PDE10A: variants seen among roughly 807,000 people sequenced by gnomAD.
The protein encoded by PDE10A is cAMP and cAMP-inhibited cGMP 3',5'-cyclic phosphodiesterase 10A.
In PDE10A, 39 loss-of-function variants were observed where a neutral mutation model predicts 97.7. The observed-to-expected ratio is 0.40, with a 90% CI of 0.31 to 0.52. The LOEUF (loss-of-function observed/expected upper bound fraction) is 0.52. PDE10A is among the 20% of genes least tolerant of loss of function. The pLI, the probability that PDE10A is intolerant of heterozygous loss-of-function variation, is 0.56. For synonymous variants in PDE10A, 371 were observed against 376.8 expected, an observed-to-expected ratio of 0.98 and a Z score of 0.18; for missense variants, 731 against 1,047.8, an observed-to-expected ratio of 0.70 and a Z score of 4.17.
chr6:165,786,894 C>G (rs1300021462), intron 1 of PDE10A, among the ~76,000 whole-genome samples: 2 of 152,066 alleles, frequency 1.3e-5, no homozygotes. Flanking sequence ...TTGCTAATTT[C>G]AAATCTTCAC....
chr6:165,450,547 T>G (rs1345752965), intron 3 of PDE10A, among the ~76,000 whole-genome samples, 185 bp from the exon 4 acceptor site: 4 of 152,080 alleles, frequency 2.6e-5, no homozygotes, highest in Admixed American at 2.6e-4. Context: ...AAAATTAAAA[T>G]TGCTATGACT....
At chr6:165,893,653 A>G (rs774989430) in intron 1 of PDE10A, among the ~76,000 whole-genome samples, 2 of 152,132 alleles carry the variant, frequency 1.3e-5, no homozygotes, top group Non-Finnish European at 2.9e-5. Context: ...ACCCCATCCC[A>G]CATTCCTAAT....
chr6:165,583,836 C>T (rs1785753505), intron 1 of PDE10A, among the ~76,000 whole-genome samples: 1 of 152,140 alleles, frequency 6.6e-6, no homozygotes, highest in Admixed American at 6.5e-5. Flanking sequence ...ATAGGAATGG[C>T]ACCCCTTAAT....
At chr6:165,346,081 T>C (rs1007423878) in intron 18 of PDE10A, among the ~76,000 whole-genome samples, 4 of 152,166 alleles carry the variant, frequency 2.6e-5, no homozygotes, top group African/African-American at 9.7e-5. Context: ...GGAGACAAGA[T>C]AGGAGTTTAA....
At chr6:165,587,172 A>G (rs1044960691) in intron 1 of PDE10A, among the ~76,000 whole-genome samples, 1 of 152,194 alleles carries the variant, frequency 6.6e-6, no homozygotes, top group African/African-American at 2.4e-5. Flanking sequence ...TCATCGTATC[A>G]CCTGCATGTG....
chr6:165,600,528 G>A (rs535280928), intron 1 of PDE10A, among the ~76,000 whole-genome samples: 6 of 152,322 alleles, frequency 3.9e-5, no homozygotes, highest in African/African-American at 1.4e-4. Context: ...TTCACGTCCA[G>A]GGTAGCATAT....
At chr6:165,561,114 G>A (rs1784501908) in intron 1 of PDE10A, among the ~76,000 whole-genome samples, 1 of 151,912 alleles carries the variant, frequency 6.6e-6, no homozygotes, top group African/African-American at 2.4e-5. Context: ...AGCTACTCGG[G>A]AGGCTGAGGC....
chr6:165,697,680 A>G (rs1791472659), intron 1 of PDE10A, among the ~76,000 whole-genome samples: 1 of 152,140 alleles, frequency 6.6e-6, no homozygotes, highest in Admixed American at 6.5e-5. Context: ...TCAAGATAGA[A>G]AGTAGAATGG....
chr6:165,558,863 A>G (rs2128336075), intron 1 of PDE10A, among the ~76,000 whole-genome samples: 1 of 152,340 alleles, frequency 6.6e-6, no homozygotes. Flanking sequence ...ATGACGAGTT[A>G]ATGAGTGCAG....
intron 1 of PDE10A, among the ~76,000 whole-genome samples, chr6:165,905,373 A>C (rs1468896397): frequency 6.6e-6 from 1 of 152,178 alleles, no homozygotes; most frequent in Non-Finnish European, 1.5e-5. Context: ...GTTTACATAC[A>C]TGCAATTAAA....
chr6:165,828,381 T>C (rs1045220657), intron 1 of PDE10A, among the ~76,000 whole-genome samples: 1 of 152,172 alleles, frequency 6.6e-6, no homozygotes, highest in Non-Finnish European at 1.5e-5. Flanking sequence ...GAAAAATTAG[T>C]TGTATTAGCT....
In PDE10A at chr6:165,901,517, G is replaced by A. The variant is rs368022069; in HGVS notation, c.-615+86012C>T. On this transcript the variant is annotated intron_variant, in intron 1 of 19. Coordinates refer to the PDE10A transcript ENST00000366882. ...CTCAGCCCTTATTACAAAATGCCCC[G>A]CATGGCCAGGCACGGTGGTTCATGC... Among the ~76,000 whole-genome samples the A allele has an allele frequency of 9.2e-5, 14 of 152,184 alleles. No individual in the cohort carries two copies. In the East Asian group the frequency reaches 1.4e-3, roughly 15 times the overall value.
At chr6:165,894,472 G>T in intron 1 of PDE10A, 1 of 456,074 alleles carries the variant, frequency 2.2e-6, no homozygotes, top group South Asian at 1.5e-5. Context: ...AAGTGGTGGA[G>T]AGGGAAAACC....
chr6:165,552,126 T>C (rs895201215), intron 1 of PDE10A, among the ~76,000 whole-genome samples: 2 of 152,150 alleles, frequency 1.3e-5, no homozygotes, highest in Non-Finnish European at 2.9e-5. Flanking sequence ...ATACTCTCAT[T>C]GTACCCTCCT....
chr6:165,851,722 A>G (rs1780578053), intron 1 of PDE10A, among the ~76,000 whole-genome samples: 1 of 152,180 alleles, frequency 6.6e-6, no homozygotes, highest in Non-Finnish European at 1.5e-5. Flanking sequence ...CATATTGAAA[A>G]AGCAAGTGAA....
At chr6:165,385,643 A>G (rs1379951768) in intron 17 of PDE10A, among the ~76,000 whole-genome samples, 3 of 152,184 alleles carry the variant, frequency 2.0e-5, no homozygotes, top group Non-Finnish European at 4.4e-5. Flanking sequence ...GATTTCAGGG[A>G]CCAGTTAGAT....
chr6:165,472,873 G>A (rs1583354219), intron 3 of PDE10A, among the ~76,000 whole-genome samples: 2 of 152,096 alleles, frequency 1.3e-5, no homozygotes, highest in East Asian at 1.9e-4. Context: ...ATTTTAATGG[G>A]ACTACAATGA....
chr6:165,580,912 T>C (rs778708168), intron 1 of PDE10A, among the ~76,000 whole-genome samples: 17 of 151,606 alleles, frequency 1.1e-4, no homozygotes, highest in African/African-American at 3.9e-4. Context: ...AGAAAGAAGA[T>C]GGTAAGTCTC....
intron 1 of PDE10A, among the ~76,000 whole-genome samples, chr6:165,639,515 A>G (rs902454021): frequency 2.0e-4 from 30 of 152,106 alleles, no homozygotes; most frequent in African/African-American, 6.8e-4. Context: ...AGGCATGTGG[A>G]TCACCTGAGG....
Sources: gnomAD v4.1 joint callset for allele counts (sites outside exome capture counted in the v4.1 genomes callset) on GRCh38, gnomAD v4.1.1 for gene constraint, MANE v1.5 for transcripts, NCBI Gene and HGNC (gene_info 2026-07-23, HGNC 2026-07-21) for gene names.